Variants in ATXN10 observed in about 807,000 individuals in gnomAD.
ATXN10 encodes ataxin-10.
ATXN10 carries 28 observed loss-of-function variants against 52.9 expected under a neutral mutation model. The observed-to-expected ratio is 0.53, with a 90% CI of 0.39 to 0.73. ATXN10 has a LOEUF of 0.73. Ranked by LOEUF, ATXN10 falls within the 30% of genes least tolerant of loss-of-function variation. The pLI is 0.00. For missense variants in ATXN10, 565 were observed against 577.0 expected (o/e 0.98, Z 0.21); for synonymous variants, 226 against 221.5 (o/e 1.02, Z -0.18).
In ATXN10 at chr22:45,833,754, A is replaced by G. The variant is rs933756712; in HGVS notation, c.1238-9237A>G. 6.6e-6 allele frequency among the ~76,000 whole-genome samples: 1 copy of G among 152,178 alleles called. No homozygotes were observed. The highest frequency in any genetic ancestry group is 1.5e-5 in the Non-Finnish European group (1 of 68,020). ...CCTACCGTTCCTTGTACTGGTTTGT[A>G]GGCATAGCTCAGAAACGTGCAGTCA... On this transcript the variant is annotated intron_variant, in intron 10 of 11. Transcript: ENST00000252934. The surrounding 1 kb of genome is among the most constrained non-coding windows in gnomAD (Gnocchi z 4.3).
chr22:45,775,299 TGGACCTCAACATA>T lies in ATXN10; in HGVS notation c.1174-31657_1174-31645del, dbSNP rs573290664. Among the ~76,000 whole-genome samples, 26 of 152,338 alleles carry T rather than the reference TGGACCTCAACATA, an allele frequency of 1.7e-4. No homozygotes were observed. In the East Asian group the frequency reaches 5.0e-3, roughly 29 times the overall value. On this transcript the variant is annotated intron_variant, in intron 9 of 11. Coordinates refer to ENST00000252934, the MANE Select transcript of ATXN10 (RefSeq NM_013236.4). This position sits in a 1 kb window ranked among gnomAD's most constrained non-coding sequence, Gnocchi z 4.7. ...GTGTCCCTGTCCCTGTGTTCACATC[TGGACCTCAACATA>T]GGGCCTGTTAGCTGAGGTGCACCCT...
intron 9 of ATXN10, among the ~76,000 whole-genome samples, chr22:45,741,266 C>T (rs897981217): frequency 1.3e-5 from 2 of 152,146 alleles, no homozygotes; most frequent in South Asian, 4.1e-4. Context: ...ACTCCCCTGT[C>T]GAGGGTTGGC....
At chr22:45,692,570 A>G (rs1923425724) in intron 2 of ATXN10, among the ~76,000 whole-genome samples, 1 of 152,252 alleles carries the variant, frequency 6.6e-6, no homozygotes, top group African/African-American at 2.4e-5. Flanking sequence ...GAGCCAGTCA[A>G]GATTCAGATT....
At position 45,690,667 on chromosome 22, in the gene ATXN10, G is replaced by C. The variant is rs1923335958; in HGVS notation, c.308+764G>C. On this transcript the variant is annotated intron_variant, in intron 2 of 11. Transcript: ENST00000252934. This position sits in a 1 kb window ranked among gnomAD's most constrained non-coding sequence, Gnocchi z 4.5. Reference sequence around the variant, plus strand: ...TACAAGATGACCTGTCTTTCCTAAAGATCATGTAAAGTTCCAAGCTCTGCT... The same window carrying C: ...TACAAGATGACCTGTCTTTCCTAAACATCATGTAAAGTTCCAAGCTCTGCT... Among the ~76,000 whole-genome samples the C allele has an allele frequency of 6.6e-6, 1 of 152,178 alleles. No individual in the cohort carries two copies. The highest frequency in any genetic ancestry group is 1.5e-5 in the Non-Finnish European group (1 of 68,030).
chr22:45,760,701 C>T (rs60514881), intron 9 of ATXN10: 13,958 of 153,898 alleles, frequency 0.091, 816 homozygotes, highest in Middle Eastern at 0.18. Context: ...GATGATACCT[C>T]TCCCATGTTG....
In ATXN10 at chr22:45,727,774, G is replaced by A. The variant is rs1388356360; in HGVS notation, c.729-1651G>A. On this transcript the variant is annotated intron_variant, in intron 6 of 11. Transcript: ENST00000252934. This position sits in a 1 kb window ranked among gnomAD's most constrained non-coding sequence, Gnocchi z 4.6. Reference sequence around the variant, plus strand: ...TGTGAATCTGGGAGCTTCAGAGTTAGGTGCATATATATTTAGGATTATAAT... The same window carrying A: ...TGTGAATCTGGGAGCTTCAGAGTTAAGTGCATATATATTTAGGATTATAAT... Among the ~76,000 whole-genome samples the A allele has an allele frequency of 6.6e-6, 1 of 152,072 alleles. No homozygotes were observed. The highest frequency in any genetic ancestry group is 2.4e-5 in the African/African-American group (1 of 41,392).
At chr22:45,758,040 A>G (rs775572380) in intron 9 of ATXN10, among the ~76,000 whole-genome samples, 11 of 152,244 alleles carry the variant, frequency 7.2e-5, no homozygotes, top group Non-Finnish European at 1.5e-5. Context: ...GACGGATGCA[A>G]CTATTCGTTA....
Position 45,688,037 on chromosome 22 carries a change from G to A in ATXN10, c.117-1675G>A, listed in dbSNP as rs1311929916. 6.6e-6 allele frequency among the ~76,000 whole-genome samples: 1 copy of A among 152,278 alleles called. No individual in the cohort carries two copies. On this transcript the variant is annotated intron_variant, in intron 1 of 11. Transcript: ENST00000252934. The surrounding 1 kb of genome is among the most constrained non-coding windows in gnomAD (Gnocchi z 4.0). ...GCACCACTGCAACTCCAGCCTGGGCGACAGAGCAAAACTCCGTCTCAAAAA... is the reference window on the plus strand; with the variant it reads ...GCACCACTGCAACTCCAGCCTGGGCAACAGAGCAAAACTCCGTCTCAAAAA...
chr22:45,672,389 C>A, intron 1 of ATXN10: 1 of 358,946 alleles, frequency 2.8e-6, no homozygotes, highest in East Asian at 8.2e-5. Context: ...GGCGGGCGCC[C>A]CGCTCCCCCA....
intron 9 of ATXN10, among the ~76,000 whole-genome samples, chr22:45,796,015 G>C (rs1927724734): frequency 6.6e-6 from 1 of 152,232 alleles, no homozygotes; most frequent in Admixed American, 6.5e-5. Flanking sequence ...CATAAGGCCT[G>C]ACTGCCTGCA....
intron 3 of ATXN10, among the ~76,000 whole-genome samples, chr22:45,695,429 G>A (rs537145232): frequency 1.3e-5 from 2 of 150,820 alleles, no homozygotes; most frequent in Non-Finnish European, 2.9e-5. Context: ...AATATTATTT[G>A]ACTTACAAAT....
chr22:45,822,707 A>C (rs1241029720), intron 10 of ATXN10, among the ~76,000 whole-genome samples: 1 of 151,678 alleles, frequency 6.6e-6, no homozygotes, highest in Non-Finnish European at 1.5e-5. Flanking sequence ...ATTTTTGTAG[A>C]GATGGGGTTT....
At chr22:45,749,587 G>T (rs1279971797) in intron 9 of ATXN10, among the ~76,000 whole-genome samples, 1 of 151,792 alleles carries the variant, frequency 6.6e-6, no homozygotes, top group African/African-American at 2.4e-5. Flanking sequence ...TAAGAGGTGG[G>T]GTCTTGCTCT....
rs1005057482 is a variant in ATXN10 at position 45,763,222 on chromosome 22, G to C, written c.1173+22684G>C. ...TGTTCTGGGGGCAGGGAGGTGGTGG[G>C]AGAATCTGGAGAGCTGGAGAGAGTG... On this transcript the variant is annotated intron_variant, in intron 9 of 11. Transcript: ENST00000252934. This position sits in a 1 kb window ranked among gnomAD's most constrained non-coding sequence, Gnocchi z 6.9. Among the ~76,000 whole-genome samples, 3 of 152,168 alleles carry C rather than the reference G, an allele frequency of 2.0e-5. No individual in the cohort carries two copies. The highest frequency in any genetic ancestry group is 4.4e-5 in the Non-Finnish European group (3 of 68,040).
At chr22:45,832,632 C>T (rs935502063) in intron 10 of ATXN10, among the ~76,000 whole-genome samples, 1 of 152,154 alleles carries the variant, frequency 6.6e-6, no homozygotes, top group African/African-American at 2.4e-5. Flanking sequence ...ATTTTGCCTT[C>T]GTATTTATTA....
intron 8 of ATXN10, among the ~76,000 whole-genome samples, chr22:45,739,761 GA>G: frequency 6.6e-6 from 1 of 152,302 alleles, no homozygotes. Flanking sequence ...AGGGTTAAAT[GA>G]GATAATGTGG....
chr22:45,760,269 A>C (rs971330497), intron 9 of ATXN10, among the ~76,000 whole-genome samples: 4 of 152,158 alleles, frequency 2.6e-5, no homozygotes, highest in African/African-American at 9.7e-5. Context: ...GATGCATCTG[A>C]GAGTGTGCCC....
intron 5 of ATXN10, among the ~76,000 whole-genome samples, chr22:45,713,700 A>G (rs916947953): frequency 6.6e-6 from 1 of 152,186 alleles, no homozygotes; most frequent in Non-Finnish European, 1.5e-5. Context: ...ATCAAAATGC[A>G]TAGTTTACCC....
Position 45,727,054 on chromosome 22 carries a change from ATGTAGGCATTTAGCAC to A in ATXN10, c.729-2366_729-2351del, listed in dbSNP as rs1463292273. ...AACTTGTGGTCTTTCAGACTTTTCG[ATGTAGGCATTTAGCAC>A]TGTAAACTTTCCTTTTAGCACTGCT... is the stretch of plus-strand genomic sequence containing the variant. On this transcript the variant is annotated intron_variant, in intron 6 of 11. Coordinates refer to ENST00000252934, the MANE Select transcript of ATXN10 (RefSeq NM_013236.4). The surrounding 1 kb of genome is among the most constrained non-coding windows in gnomAD (Gnocchi z 4.6). Among the ~76,000 whole-genome samples the A allele has an allele frequency of 2.0e-5, 3 of 152,024 alleles. No individual in the cohort carries two copies. The highest frequency in any genetic ancestry group is 4.4e-5 in the Non-Finnish European group (3 of 68,026).
Sources: allele counts gnomAD v4.1 joint callset (sites outside exome capture counted in the v4.1 genomes callset), GRCh38; gene constraint gnomAD v4.1.1; non-coding constraint Gnocchi (gnomAD v3.1); transcripts MANE v1.5; gene names NCBI Gene and HGNC (gene_info 2026-07-23, HGNC 2026-07-21).